The following WWOX variants were observed in gnomAD, a reference collection of about 807,000 sequenced individuals.
WWOX encodes the protein WW domain containing oxidoreductase, also known as WW domain-containing oxidoreductase.
In WWOX, 69 loss-of-function variants were observed where a neutral mutation model predicts 46.2. The observed-to-expected ratio is 1.49, with a 90% CI of 1.23 to 1.82. WWOX has a LOEUF of 1.82. Ranked by LOEUF, WWOX falls within the 40% of genes most tolerant of loss-of-function variation. The pLI is 0.00. For synonymous variants in WWOX, 359 were observed against 202.6 expected, an observed-to-expected ratio of 1.77 and a Z score of -6.56; for missense variants, 919 against 542.6, an observed-to-expected ratio of 1.69 and a Z score of -6.89.
intron 8 of WWOX, among the ~76,000 whole-genome samples, chr16:78,546,406 G>C (rs1006763367): frequency 6.6e-6 from 1 of 152,154 alleles, no homozygotes; most frequent in African/African-American, 2.4e-5. Context: ...AGCCCACATT[G>C]AGTGTAACTA....
At chr16:78,725,339 C>CCTTTT (rs2048800715) in intron 8 of WWOX, among the ~76,000 whole-genome samples, 1 of 86,776 alleles carries the variant, frequency 1.2e-5, no homozygotes, top group Admixed American at 1.4e-4. Context: ...CTTTTCTTTT[C>CCTTTT]TTTTCTTTTT....
intron 8 of WWOX, among the ~76,000 whole-genome samples, chr16:78,647,059 C>T (rs374741647): frequency 7.9e-5 from 12 of 152,116 alleles, no homozygotes; most frequent in African/African-American, 2.9e-4. Flanking sequence ...CCCTTTGTGA[C>T]CCAGCAACTT....
intron 8 of WWOX, among the ~76,000 whole-genome samples, chr16:79,140,649 C>G (rs954916312): frequency 1.3e-5 from 2 of 152,228 alleles, no homozygotes; most frequent in East Asian, 3.9e-4. Context: ...AGAAGCGCTG[C>G]TCCCAATTCT....
At chr16:79,175,711 C>G (rs983800724) in intron 8 of WWOX, among the ~76,000 whole-genome samples, 1 of 152,180 alleles carries the variant, frequency 6.6e-6, no homozygotes, top group Non-Finnish European at 1.5e-5. Flanking sequence ...GTTCTGTGTC[C>G]TGGCACCGAT....
intron 8 of WWOX, among the ~76,000 whole-genome samples, chr16:78,889,160 A>G (rs1054398899): frequency 1.3e-5 from 2 of 152,164 alleles, no homozygotes; most frequent in Non-Finnish European, 2.9e-5. Context: ...CTTAATAATA[A>G]GATGATAAGG....
chr16:78,710,367 C>A (rs1460757166), intron 8 of WWOX, among the ~76,000 whole-genome samples: 2 of 150,378 alleles, frequency 1.3e-5, no homozygotes, highest in Non-Finnish European at 3.0e-5. Flanking sequence ...TTTCCCAGTG[C>A]GCACTAACCC....
At chr16:78,329,146 C>G (rs1233360560) in intron 5 of WWOX, among the ~76,000 whole-genome samples, 3 of 152,240 alleles carry the variant, frequency 2.0e-5, no homozygotes, top group East Asian at 1.9e-4. Context: ...CAGGTGTGAG[C>G]TACCGCACCC....
At chr16:78,726,001 C>A in intron 8 of WWOX, among the ~76,000 whole-genome samples, 1 of 150,190 alleles carries the variant, frequency 6.7e-6, no homozygotes, top group East Asian at 2.0e-4. Context: ...CCTTCTCCTT[C>A]TTCTTCTCTT....
chr16:78,567,204 T>G (rs149332026), intron 8 of WWOX, among the ~76,000 whole-genome samples: 132 of 152,280 alleles, frequency 8.7e-4, no homozygotes, highest in African/African-American at 3.1e-3. Context: ...CCTGACGCTT[T>G]CCCAAAGCTG....
chr16:79,073,259 G>A (rs1186836698), intron 8 of WWOX, among the ~76,000 whole-genome samples: 3 of 151,400 alleles, frequency 2.0e-5, no homozygotes, highest in East Asian at 3.9e-4. Context: ...AGCTCACTGC[G>A]ACCTCCACCT....
chr16:78,787,485 A>G (rs2050486442), intron 8 of WWOX, among the ~76,000 whole-genome samples: 1 of 152,174 alleles, frequency 6.6e-6, no homozygotes, highest in Non-Finnish European at 1.5e-5. Flanking sequence ...ATGTTGTAGA[A>G]TGTATCAGTA....
intron 8 of WWOX, among the ~76,000 whole-genome samples, chr16:78,995,133 C>A (rs1219539643): frequency 6.6e-6 from 1 of 152,006 alleles, no homozygotes; most frequent in Non-Finnish European, 1.5e-5. Flanking sequence ...TCTGATCACT[C>A]CTTTTTGTGA....
intron 8 of WWOX, among the ~76,000 whole-genome samples, chr16:78,519,213 G>A (rs1054640012): frequency 1.3e-5 from 2 of 152,094 alleles, no homozygotes; most frequent in African/African-American, 2.4e-5. Context: ...GCCTTACCCA[G>A]CTGTGAAGAT....
intron 8 of WWOX, 85 bp downstream of exon 8, chr16:78,432,837 G>C (rs1212190844): frequency 4.4e-6 from 7 of 1,594,922 alleles, no homozygotes; most frequent in East Asian, 2.2e-5. Flanking sequence ...TACCTCTTGC[G>C]GGCATGAGTC....
At chr16:78,750,313 C>G (rs114822168) in intron 8 of WWOX, among the ~76,000 whole-genome samples, 2 of 152,104 alleles carry the variant, frequency 1.3e-5, no homozygotes, top group Non-Finnish European at 2.9e-5. Context: ...AATTTCATAG[C>G]TGTCTTGCCC....
At chr16:79,005,083 G>A (rs1229739611) in intron 8 of WWOX, among the ~76,000 whole-genome samples, 3 of 152,320 alleles carry the variant, frequency 2.0e-5, no homozygotes, top group South Asian at 2.1e-4. Flanking sequence ...CATGGATGCA[G>A]TCAGTCCTCA....
rs1448711490 is a variant in WWOX at position 78,099,833 on chromosome 16, C to T, written c.55C>T (p.Pro19Ser). 2.5e-6 allele frequency: 4 copies of T among 1,582,100 alleles called. No individual in the cohort carries two copies. Among genetic ancestry groups the T allele is most frequent in the Non-Finnish European group, 2.6e-6 (3 of 1,165,116 alleles). Residue 19 changes from proline (P) to serine (S), a missense_variant, in exon 1 of 9, where the codon CCT becomes TCT. By Grantham distance (74) the Pro-to-Ser change is moderately conservative (BLOSUM62 -1). Transcript: ENST00000566780. ...LDDTDSEDEL[P>S]PGWEERTTKD... ...CGACACGGACAGTGAGGACGAGCTG[C>T]CTCCGGGCTGGGAGGAGAGAACCAC...
At chr16:78,589,859 T>A (rs180768262) in intron 8 of WWOX, among the ~76,000 whole-genome samples, 9 of 152,260 alleles carry the variant, frequency 5.9e-5, no homozygotes, top group Admixed American at 5.9e-4. Context: ...ACTTCTTAGC[T>A]GCAAGGGGGG....
At chr16:78,735,169 A>ACAT (rs2049057644) in intron 8 of WWOX, among the ~76,000 whole-genome samples, 1 of 151,916 alleles carries the variant, frequency 6.6e-6, no homozygotes, top group Non-Finnish European at 1.5e-5. Flanking sequence ...GTCTGGCCTG[A>ACAT]CATCAGTCTT....
Sources: gnomAD v4.1 joint callset for allele counts (sites outside exome capture counted in the v4.1 genomes callset) on GRCh38, gnomAD v4.1.1 for gene constraint, MANE v1.5 for transcripts, NCBI Gene and HGNC (gene_info 2026-07-23, HGNC 2026-07-21) for gene names.